The following STK3 variants were observed in gnomAD, a reference collection of about 807,000 sequenced individuals.
STK3 encodes serine/threonine-protein kinase 3.
Under a neutral mutation model 58.0 loss-of-function variants are expected in STK3, and 41 were observed. The ratio of observed to expected loss-of-function variants is 0.71; its 90% CI spans 0.55 to 0.92. STK3 has a LOEUF of 0.92. Ranked by LOEUF, STK3 falls within the 40% of genes least tolerant of loss-of-function variation. The pLI is 0.00. For missense variants in STK3, 479 were observed against 602.7 expected (o/e 0.79, Z 2.15); for synonymous variants, 170 against 191.0 (o/e 0.89, Z 0.91).
At chr8:98,638,810 G>C (rs1325174087) in intron 6 of STK3, among the ~76,000 whole-genome samples, 1 of 152,110 alleles carries the variant, frequency 6.6e-6, no homozygotes, top group East Asian at 1.9e-4. Context: ...GAGCACAGAG[G>C]GGGTGGTTTA....
chr8:98,480,825 A>C (rs1821790324), intron 10 of STK3, among the ~76,000 whole-genome samples: 1 of 152,236 alleles, frequency 6.6e-6, no homozygotes, highest in Non-Finnish European at 1.5e-5. Flanking sequence ...GTTTCAGGCT[A>C]TGCTCTTGCC....
intron 6 of STK3, among the ~76,000 whole-genome samples, chr8:98,668,788 A>G (rs1205013974): frequency 6.6e-6 from 1 of 152,176 alleles, no homozygotes; most frequent in Non-Finnish European, 1.5e-5. Context: ...AAGTCAGAGA[A>G]AGCCAACCAT....
chr8:98,579,661 A>C lies in STK3; in HGVS notation c.948+3T>G. On this transcript the variant is annotated splice_donor_region_variant and intron_variant, in intron 8 of 10. Coordinates refer to ENST00000419617, the MANE Select transcript of STK3 (RefSeq NM_006281.4). ...AATCAACTTTTTGAAGATAATTACA[A>C]ACCGAATTTTCTTCTTCCTCTTCCA... 1 of 1,602,864 alleles carries C rather than the reference A, an allele frequency of 6.2e-7. No individual in the cohort carries two copies. Among genetic ancestry groups the C allele is most frequent in the South Asian group, 1.1e-5 (1 of 87,906 alleles).
intron 4 of STK3, among the ~76,000 whole-genome samples, chr8:98,740,714 A>C (rs1829127532): frequency 6.6e-6 from 1 of 152,238 alleles, no homozygotes; most frequent in Admixed American, 6.5e-5. Flanking sequence ...AGCTAACATC[A>C]TAATGACAGG....
At chr8:98,881,498 A>G (rs1837792175), downstream of STK3, 1 of 152,222 alleles carries the variant, frequency 6.6e-6, no homozygotes, top group Admixed American at 6.5e-5. Context: ...CACACAAAGA[A>G]TTAACCCTAA....
At chr8:98,474,859 A>G (rs767962073) in intron 10 of STK3, among the ~76,000 whole-genome samples, 13 of 152,206 alleles carry the variant, frequency 8.5e-5, no homozygotes, top group Non-Finnish European at 1.5e-4. Context: ...TTAGAACTGT[A>G]CAATATGAGA....
intron 6 of STK3, among the ~76,000 whole-genome samples, chr8:98,654,681 A>C (rs930428947): frequency 2.2e-4 from 33 of 152,288 alleles, no homozygotes; most frequent in Middle Eastern, 3.4e-3. Context: ...GCATTCTTAT[A>C]CACCAATAAC....
At chr8:98,796,155 T>C (rs2093388701) in intron 1 of STK3, among the ~76,000 whole-genome samples, 1 of 152,068 alleles carries the variant, frequency 6.6e-6, no homozygotes, top group South Asian at 2.1e-4. Context: ...CTAAAATTCA[T>C]ATGGAACCAA....
chr8:98,424,111 C>T lies in STK3; in HGVS notation n.483+10016G>A, dbSNP rs544399077. ...GAGATGGCTCCATTTCTTTTCAGCACGATGACTGGGAAATAAACAAGTGGC... is the reference window on the plus strand; with the variant it reads ...GAGATGGCTCCATTTCTTTTCAGCATGATGACTGGGAAATAAACAAGTGGC... On this transcript the variant is annotated intron_variant and non_coding_transcript_variant, in intron 3 of 3. Transcript: ENST00000517832. Among the ~76,000 whole-genome samples, 15 of 152,368 alleles carry T rather than the reference C, an allele frequency of 9.8e-5. No homozygotes were observed. The South Asian group carries it at 2.1e-3, about 21-fold the overall frequency.
intron 6 of STK3, among the ~76,000 whole-genome samples, chr8:98,698,970 G>A (rs927732488): frequency 3.9e-5 from 6 of 152,172 alleles, no homozygotes; most frequent in Admixed American, 1.3e-4. Context: ...TTCCAACTTG[G>A]TTCCATTCTC....
the STK3 span, among the ~76,000 whole-genome samples, chr8:98,364,433 C>T: frequency 6.6e-6 from 1 of 152,140 alleles, no homozygotes; most frequent in South Asian, 2.1e-4. Flanking sequence ...CACTGGGTCT[C>T]GGGAGGCCTG....
rs183612578 is a variant in STK3, at chr8:98,755,238, G to C, written c.237-5848C>G. On this transcript the variant is annotated intron_variant, in intron 3 of 10. Coordinates refer to ENST00000419617, the MANE Select transcript of STK3 (RefSeq NM_006281.4). ...ATTCACTGACCCTCTACTCGGGCCA[G>C]GCATTTCACCAGATGTTCAGTATGC... Among the ~76,000 whole-genome samples the C allele has an allele frequency of 2.6e-5, 4 of 152,270 alleles. No homozygotes were observed. The East Asian group carries it at 7.7e-4, about 29-fold the overall frequency.
chr8:98,713,356 T>A (rs140950127), intron 4 of STK3, among the ~76,000 whole-genome samples: 15 of 152,082 alleles, frequency 9.9e-5, no homozygotes, highest in Non-Finnish European at 2.1e-4. Flanking sequence ...ACTGGTTTTT[T>A]GAAAAGAGCA....
chr8:98,374,290 C>G (rs750327275), intron 2 of STK3, among the ~76,000 whole-genome samples: 6 of 152,170 alleles, frequency 3.9e-5, no homozygotes, highest in Non-Finnish European at 8.8e-5. Context: ...GTGAGCTAAG[C>G]TGATCTGGCC....
intron 10 of STK3, among the ~76,000 whole-genome samples, chr8:98,458,915 CT>C (rs1334123189): frequency 6.6e-6 from 1 of 152,128 alleles, no homozygotes; most frequent in Non-Finnish European, 1.5e-5. Context: ...TTGGGTATTT[CT>C]TTATAGTAGT....
At chr8:98,530,566 C>T (rs1381556060) in intron 9 of STK3, among the ~76,000 whole-genome samples, 1 of 152,160 alleles carries the variant, frequency 6.6e-6, no homozygotes, top group Non-Finnish European at 1.5e-5. Context: ...TGGAGAATAA[C>T]GAGAGAGTGC....
chr8:98,801,574 G>A (rs976534087), intron 1 of STK3, among the ~76,000 whole-genome samples: 1 of 151,998 alleles, frequency 6.6e-6, no homozygotes, highest in African/African-American at 2.4e-5. Context: ...TTTAAGAGCT[G>A]TAACAGTCAC....
At chr8:98,347,742 C>T in the STK3 span, among the ~76,000 whole-genome samples, 4 of 151,862 alleles carry the variant, frequency 2.6e-5, no homozygotes, top group African/African-American at 4.8e-5. Context: ...CTATATGTTG[C>T]CTATAGGAAA....
At chr8:98,345,741 A>G in the STK3 span, among the ~76,000 whole-genome samples, 90,009 of 151,866 alleles carry the variant, frequency 0.59, 27,238 homozygotes, top group African/African-American at 0.68. Flanking sequence ...AATTAGCAGA[A>G]CAGGACACCA....
Sources: gnomAD v4.1 joint callset for allele counts (sites outside exome capture counted in the v4.1 genomes callset) on GRCh38, gnomAD v4.1.1 for gene constraint, MANE v1.5 for transcripts, NCBI Gene and HGNC (gene_info 2026-07-23, HGNC 2026-07-21) for gene names.